The following CRMP1 variants were observed in gnomAD, a reference collection of about 807,000 sequenced individuals.
The protein encoded by CRMP1 is dihydropyrimidinase-related protein 1.
In CRMP1, 19 loss-of-function variants were observed where a neutral mutation model predicts 68.3. That is an observed-to-expected ratio of 0.28 (90% confidence interval 0.19 to 0.41). CRMP1 has a LOEUF of 0.41. CRMP1 is among the 10% of genes least tolerant of loss of function. CRMP1 has a pLI of 1.00. For synonymous variants in CRMP1, 439 were observed against 399.6 expected (o/e 1.10, Z -1.18); for missense variants, 791 against 967.4 (o/e 0.82, Z 2.42).
intron 9 of CRMP1, among the ~76,000 whole-genome samples, chr4:5,839,224 C>T (rs1442040686): frequency 1.3e-5 from 2 of 152,226 alleles, no homozygotes; most frequent in Admixed American, 6.5e-5. Flanking sequence ...TTGTCTCCAT[C>T]CCTGATCCTG....
At position 5,885,541 on chromosome 4, in the gene CRMP1, G is replaced by A. The variant is rs144960148; in HGVS notation, c.381+7048C>T. Among the ~76,000 whole-genome samples the A allele has an allele frequency of 6.6e-3, 999 of 152,254 alleles. 6 individuals carry two copies. Among genetic ancestry groups the A allele is most frequent in the Middle Eastern group, 0.014 (4 of 294 alleles). ...GGTTGCCCTGGGAAGCAGAGGGTGG[G>A]CTCTCCCGAGGCCGTCTTTCCTTCA... On this transcript the variant is annotated intron_variant, in intron 1 of 13. Transcript: ENST00000324989.
Position 5,841,569 on chromosome 4 carries a change from T to G in CRMP1, c.1033-141A>C. On this transcript the variant is annotated intron_variant, in intron 7 of 13. Coordinates refer to ENST00000324989, the MANE Select transcript of CRMP1 (RefSeq NM_001014809.3). The surrounding 1 kb of genome is among the most constrained non-coding windows in gnomAD (Gnocchi z 6.9). ...AGGACATACTGAGTCCAACAGCGCT[T>G]GACAGTGCCCCCTGCTCTCCGGGGT... is the stretch of plus-strand genomic sequence containing the variant. 3.0e-5 allele frequency: 39 copies of G among 1,280,074 alleles called. No individual in the cohort carries two copies. The highest frequency in any genetic ancestry group is 3.6e-5 in the Non-Finnish European group (33 of 915,964). 79.3% of individuals were successfully genotyped at this position (1,280,074 alleles called of 1,614,324 possible).
intron 13 of CRMP1, chr4:5,824,284 A>G (rs769557018): frequency 6.2e-5 from 61 of 985,228 alleles, no homozygotes; most frequent in Non-Finnish European, 7.0e-5. Flanking sequence ...TGAGCATCAC[A>G]TGACTTTTAG....
At chr4:5,869,373 C>CT (rs1419930172) in intron 1 of CRMP1, among the ~76,000 whole-genome samples, 1 of 152,092 alleles carries the variant, frequency 6.6e-6, no homozygotes, top group Non-Finnish European at 1.5e-5. Context: ...AAGCCCATCC[C>CT]TTGGGTGGGG....
intron 1 of CRMP1, chr4:5,887,640 C>A: frequency 1.0e-6 from 1 of 985,552 alleles, no homozygotes; most frequent in Non-Finnish European, 1.2e-6. Flanking sequence ...GCCGCAGCCG[C>A]CAGCGTCGCC....
At position 5,879,605 on chromosome 4, in the gene CRMP1, ATAATATG is replaced by A. The variant is rs1715093129; in HGVS notation, c.382-12856_382-12850del. Among the ~76,000 whole-genome samples the A allele has an allele frequency of 6.6e-6, 1 of 152,234 alleles. No individual in the cohort carries two copies. The highest frequency in any genetic ancestry group is 1.5e-5 in the Non-Finnish European group (1 of 68,052). ...TACCTACCTCACAAGATTACTTGAAATAATATGTAAAAGCACCCAATACACTGAACAC... is the reference window on the plus strand; with the variant it reads ...TACCTACCTCACAAGATTACTTGAAATAAAAGCACCCAATACACTGAACAC... On this transcript the variant is annotated intron_variant, in intron 1 of 13. Coordinates refer to ENST00000324989, the MANE Select transcript of CRMP1 (RefSeq NM_001014809.3). This position sits in a 1 kb window ranked among gnomAD's most constrained non-coding sequence, Gnocchi z 4.2.
rs1019234928 is a variant in CRMP1, at chr4:5,838,338, T to A, written c.1310+1184A>T. On this transcript the variant is annotated intron_variant, in intron 9 of 13. Transcript: ENST00000324989. The surrounding 1 kb of genome is among the most constrained non-coding windows in gnomAD (Gnocchi z 4.9). The stretch of plus-strand genomic sequence containing the variant: ...CCGGATTGAGTTCTGCCTTGTTGGA[T>A]GTTGCAGGGACTTGGGTTTCACTGG... Among the ~76,000 whole-genome samples the A allele has an allele frequency of 6.6e-6, 1 of 151,986 alleles. No homozygotes were observed. The highest frequency in any genetic ancestry group is 1.5e-5 in the Non-Finnish European group (1 of 68,000).
At chr4:5,837,683 A>AAAAT (rs1720821146) in intron 9 of CRMP1, among the ~76,000 whole-genome samples, 2 of 148,860 alleles carry the variant, frequency 1.3e-5, no homozygotes, top group African/African-American at 2.5e-5. Flanking sequence ...TAAAATAAAT[A>AAAAT]AAATAAAATA....
chr4:5,877,828 TC>T lies in CRMP1; in HGVS notation c.382-11073del, dbSNP rs2047653186. On this transcript the variant is annotated intron_variant, in intron 1 of 13. Transcript: ENST00000324989. This position sits in a 1 kb window ranked among gnomAD's most constrained non-coding sequence, Gnocchi z 4.3. The stretch of plus-strand genomic sequence containing the variant: ...GTACCAGCAGACTTTCAGGGAGCAC[TC>T]CCTGATGGACTGAATATCTGATTTT... Among the ~76,000 whole-genome samples the T allele has an allele frequency of 6.6e-6, 1 of 152,200 alleles. No individual in the cohort carries two copies. Among genetic ancestry groups the T allele is most frequent in the Non-Finnish European group, 1.5e-5 (1 of 68,046 alleles).
chr4:5,840,139 A>G (rs1711600338), intron 8 of CRMP1, among the ~76,000 whole-genome samples: 1 of 152,148 alleles, frequency 6.6e-6, no homozygotes, highest in African/African-American at 2.4e-5. Context: ...AAAGCAGCCA[A>G]TAAAGGGAGA....
chr4:5,856,197 T>C lies in CRMP1; in HGVS notation c.766A>G (p.Thr256Ala). The change falls in exon 4 of 14, where the codon ACA becomes GCA. Residue 256 changes from threonine to alanine, a missense_variant. By Grantham distance (58) the Thr-to-Ala change is moderately conservative (BLOSUM62 0). Transcript: ENST00000324989. Reference protein sequence around the residue: ...CCDYSLHVDITSWYDGVREEL... With the variant: ...CCDYSLHVDIASWYDGVREEL... ...TCCCGAACGCCATCGTACCAGCTTG[T>C]GATGTCCACGTGGAGGGAGTAATCA... The C allele has an allele frequency of 6.2e-7, 1 of 1,614,008 alleles. No homozygotes were observed. Among genetic ancestry groups the C allele is most frequent in the Non-Finnish European group, 8.5e-7 (1 of 1,179,898 alleles).
intron 6 of CRMP1, among the ~76,000 whole-genome samples, chr4:5,844,587 A>C (rs1269915298): frequency 6.6e-6 from 1 of 152,244 alleles, no homozygotes. Context: ...AAGAAACTAC[A>C]GAGAAGACCA....
chr4:5,884,378 AACACACACACACACCCCC>A (rs1336693744), intron 1 of CRMP1, among the ~76,000 whole-genome samples: 13 of 151,446 alleles, frequency 8.6e-5, no homozygotes, highest in Admixed American at 6.6e-5. Flanking sequence ...TGTTTAATCA[AACACACACACACACCCCC>A]ACACCCACAC....
chr4:5,887,168 GC>G (rs140915106), intron 1 of CRMP1, among the ~76,000 whole-genome samples: 2,694 of 152,336 alleles, frequency 0.018, 33 homozygotes, highest in African/African-American at 0.037. Flanking sequence ...AAAGAAACAG[GC>G]CTGCAATACA....
chr4:5,866,573 G>C lies in CRMP1; in HGVS notation c.470+95C>G, dbSNP rs1172973643. On this transcript the variant is annotated intron_variant, in intron 2 of 13. Transcript: ENST00000324989. The surrounding 1 kb of genome is among the most constrained non-coding windows in gnomAD (Gnocchi z 5.9). ...CCCTGAAACACAGGTACACAGCCCC[G>C]TCATTCTAGGACAGAATGCCAGCCT... is the stretch of plus-strand genomic sequence containing the variant. 3 of 863,544 alleles carry C rather than the reference G, an allele frequency of 3.5e-6. No homozygotes were observed. Among genetic ancestry groups the C allele is most frequent in the Non-Finnish European group, 3.7e-6 (2 of 541,566 alleles). 53.5% of individuals were successfully genotyped at this position (863,544 alleles called of 1,614,324 possible).
At position 5,832,012 on chromosome 4, in the gene CRMP1, C is replaced by A. The variant is rs1449704687; in HGVS notation, c.1624-3344G>T. 2.0e-5 allele frequency among the ~76,000 whole-genome samples: 3 copies of A among 152,206 alleles called. No individual in the cohort carries two copies. The East Asian group carries it at 5.8e-4, about 29-fold the overall frequency. ...ATTCAGCCATCAAAGGAACATGGTA[C>A]CCATCCATGATATAGCACGGATGAT... On this transcript the variant is annotated intron_variant, in intron 11 of 13. Transcript: ENST00000324989.
intron 1 of CRMP1, among the ~76,000 whole-genome samples, chr4:5,885,146 AC>A (rs1172915690): frequency 2.0e-5 from 3 of 152,172 alleles, no homozygotes; most frequent in Non-Finnish European, 4.4e-5. Flanking sequence ...GGAAGACACC[AC>A]CATCATCGTC....
Position 5,854,399 on chromosome 4 carries a change from GTTTTT to G in CRMP1, c.820+1739_820+1743del, listed in dbSNP as rs35551598. Among the ~76,000 whole-genome samples, 1 of 70,858 alleles carries G rather than the reference GTTTTT, an allele frequency of 1.4e-5. No homozygotes were observed. 46.5% of individuals were successfully genotyped at this position (70,858 alleles called of 152,430 possible). On this transcript the variant is annotated intron_variant, in intron 4 of 13. Coordinates refer to ENST00000324989, the MANE Select transcript of CRMP1 (RefSeq NM_001014809.3). This position sits in a 1 kb window ranked among gnomAD's most constrained non-coding sequence, Gnocchi z 4.0. ...GGCGTACACCACCACTCCTGGCTAT[GTTTTT>G]TTTTTTTTTTTTTTTTTTTTAATAG...
chr4:5,833,388 G>A (rs1241793521), intron 11 of CRMP1, among the ~76,000 whole-genome samples: 1 of 87,832 alleles, frequency 1.1e-5, no homozygotes, highest in African/African-American at 4.9e-5. Context: ...GGATGGTCTC[G>A]ATCTCCTGAC....
Sources: gnomAD v4.1 joint callset for allele counts (sites outside exome capture counted in the v4.1 genomes callset) on GRCh38, gnomAD v4.1.1 for gene constraint, Gnocchi (gnomAD v3.1) non-coding constraint, MANE v1.5 for transcripts, NCBI Gene and HGNC (gene_info 2026-07-23, HGNC 2026-07-21) for gene names.